Variants in TEX11 observed in about 807,000 individuals in gnomAD.
TEX11 encodes the protein testis expressed 11, also known as testis-expressed protein 11.
Under a neutral mutation model 84.4 loss-of-function variants are expected in TEX11, and 7 were observed. The ratio of observed to expected loss-of-function variants is 0.08; its 90% CI spans 0.05 to 0.16. The LOEUF (loss-of-function observed/expected upper bound fraction) is 0.16, where lower values mean the gene tolerates loss of function less well. Among genes scored for constraint, TEX11 ranks in the 10% least tolerant of loss-of-function variants. TEX11 has a pLI of 1.00. For missense variants in TEX11, 551 were observed against 660.5 expected (o/e 0.83, Z 1.82); for synonymous variants, 264 against 222.8 (o/e 1.18, Z -1.64).
At chrX:70,601,853 A>G (rs1430192710) in intron 24 of TEX11, among the ~76,000 whole-genome samples, 8 of 105,504 alleles carry the variant, frequency 7.6e-5, no homozygotes, top group East Asian at 3.0e-4. Flanking sequence ...AGGGTTGGGG[A>G]TAAGGTCACA....
At chrX:70,718,231 T>C (rs906295077) in intron 13 of TEX11, among the ~76,000 whole-genome samples, 3 of 112,411 alleles carry the variant, frequency 2.7e-5, no homozygotes, top group Non-Finnish European at 5.6e-5. Context: ...AGTTCTTTAC[T>C]GACATTAGTA....
At chrX:70,608,929 C>A (rs2089228141) in intron 22 of TEX11, among the ~76,000 whole-genome samples, 162 bp downstream of exon 22, 2 of 110,988 alleles carry the variant, frequency 1.8e-5, no homozygotes, top group African/African-American at 6.6e-5. Context: ...TTAATAACTG[C>A]ATGAAGTATA....
At chrX:70,726,912 C>A (rs372400066) in intron 11 of TEX11, among the ~76,000 whole-genome samples, 2 of 109,424 alleles carry the variant, frequency 1.8e-5, no homozygotes, top group African/African-American at 3.3e-5. Context: ...CGGCTCACTG[C>A]AGCCTCCACT....
At chrX:70,658,403 C>T (rs150989426) in intron 16 of TEX11, among the ~76,000 whole-genome samples, 2 of 110,345 alleles carry the variant, frequency 1.8e-5, no homozygotes, top group Middle Eastern at 4.3e-3. Flanking sequence ...GGCGACAGAG[C>T]GAGACTCAGT....
At chrX:70,563,674 T>G (rs2088409030) in intron 25 of TEX11, among the ~76,000 whole-genome samples, 1 of 112,553 alleles carries the variant, frequency 8.9e-6, no homozygotes, top group Admixed American at 9.4e-5. Context: ...CAAGTAATGT[T>G]TATCAGATTG....
At position 70,635,560 on chromosome X, in the gene TEX11, C is replaced by A. The variant is rs145427372; in HGVS notation, c.1484-5825G>T. The stretch of plus-strand genomic sequence containing the variant: ...TCCTAACAGACTCAGGCTTTAGATG[C>A]AGTCTCTATCCTTAGGACGAGGCTG... On this transcript the variant is annotated intron_variant, in intron 17 of 29. Coordinates refer to ENST00000374333, the MANE Select transcript of TEX11 (RefSeq NM_031276.3). Among the ~76,000 whole-genome samples, 53 of 112,385 alleles carry A rather than the reference C, an allele frequency of 4.7e-4. 1 individual carries two copies. The highest frequency in any genetic ancestry group is 1.5e-3 in the African/African-American group (48 of 31,032).
At chrX:70,545,485 G>GCAAAA (rs1194290100) in intron 28 of TEX11, among the ~76,000 whole-genome samples, 1 of 111,446 alleles carries the variant, frequency 9.0e-6, no homozygotes, top group East Asian at 2.8e-4. Context: ...GGCTTCTTGG[G>GCAAAA]CAAAACATAC....
chrX:70,606,901 A>G (rs1188807566), intron 23 of TEX11, 58 bp downstream of exon 23: 3 of 764,290 alleles, frequency 3.9e-6, no homozygotes, highest in Non-Finnish European at 5.7e-6. Context: ...TACTATAGCC[A>G]TAGTGGTTAT....
intron 17 of TEX11, among the ~76,000 whole-genome samples, chrX:70,640,257 T>C (rs1413016576): frequency 9.3e-6 from 1 of 106,986 alleles, no homozygotes; most frequent in African/African-American, 3.4e-5. Context: ...CTCCAAGAAA[T>C]ATGGGACTAT....
intron 28 of TEX11, among the ~76,000 whole-genome samples, chrX:70,544,864 A>G (rs1337397245): frequency 1.8e-5 from 2 of 108,318 alleles, no homozygotes; most frequent in African/African-American, 3.4e-5. Flanking sequence ...AAAAACCCAA[A>G]AAAACAAACA....
At chrX:70,669,680 G>C (rs1337028524) in intron 16 of TEX11, among the ~76,000 whole-genome samples, 3 of 112,733 alleles carry the variant, frequency 2.7e-5, no homozygotes, top group Non-Finnish European at 3.8e-5. Context: ...TCACCTAGGT[G>C]AACAAAGGTT....
intron 7 of TEX11, among the ~76,000 whole-genome samples, chrX:70,838,321 G>A (rs1251727869): frequency 9.0e-6 from 1 of 111,522 alleles, no homozygotes; most frequent in Non-Finnish European, 1.9e-5. Context: ...TACTCGGGAG[G>A]CTGAGGCAGG....
At chrX:70,859,679 A>G (rs1401813185) in intron 5 of TEX11, among the ~76,000 whole-genome samples, 1 of 110,853 alleles carries the variant, frequency 9.0e-6, no homozygotes, top group Non-Finnish European at 1.9e-5. Context: ...TTTTACATAA[A>G]CATACATTTG....
At chrX:70,794,242 G>A (rs973794197) in intron 9 of TEX11, among the ~76,000 whole-genome samples, 6 of 111,545 alleles carry the variant, frequency 5.4e-5, no homozygotes, top group Non-Finnish European at 3.8e-5. Flanking sequence ...ACTCAGTGCC[G>A]CCCTTTCACA....
intron 17 of TEX11, among the ~76,000 whole-genome samples, chrX:70,645,146 C>T (rs2089725486): frequency 9.1e-6 from 1 of 109,810 alleles, no homozygotes; most frequent in African/African-American, 3.3e-5. Context: ...AAATGAATAA[C>T]AAAAAATCTT....
chrX:70,806,663 A>T (rs1228007852), intron 9 of TEX11, 42 bp downstream of exon 9: 1 of 924,455 alleles, frequency 1.1e-6, no homozygotes, highest in African/African-American at 2.0e-5. Context: ...GACATCTATG[A>T]TAATATTCCC....
rs368685859 is a variant in TEX11 at position 70,675,649 on chromosome X, T to A, written c.1242+3155A>T. ...CTTTCTGTTTCTTTTCTTTTCTTTT[T>A]CTCAGAGTCTCGCTCTGTTGCCCAG... On this transcript the variant is annotated intron_variant, in intron 15 of 29. Coordinates refer to ENST00000374333, the MANE Select transcript of TEX11 (RefSeq NM_031276.3). Among the ~76,000 whole-genome samples, 222 of 109,826 alleles carry A rather than the reference T, an allele frequency of 2.0e-3. 2 individuals carry two copies. Among genetic ancestry groups the A allele is most frequent in the African/African-American group, 7.3e-3 (219 of 30,066 alleles).
intron 2 of TEX11, among the ~76,000 whole-genome samples, chrX:70,883,810 C>T (rs1432579125): frequency 8.9e-6 from 1 of 111,767 alleles, no homozygotes; most frequent in Non-Finnish European, 1.9e-5. Flanking sequence ...TCAATTAATT[C>T]TGATTAAGTA....
chrX:70,673,268 T>A (rs2090040573), intron 15 of TEX11, among the ~76,000 whole-genome samples: 1 of 111,179 alleles, frequency 9.0e-6, no homozygotes. Context: ...TACAGGTGCA[T>A]GCTACCACAC....
Sources: allele counts gnomAD v4.1 joint callset (sites outside exome capture counted in the v4.1 genomes callset), GRCh38; gene constraint gnomAD v4.1.1; transcripts MANE v1.5; gene names NCBI Gene and HGNC (gene_info 2026-07-23, HGNC 2026-07-21).